RAP1B: variants seen among roughly 807,000 people sequenced by gnomAD.
RAP1B encodes the protein ras-related protein Rap-1b.
In RAP1B, 1 loss-of-function variant was observed where a neutral mutation model predicts 27.5. The observed-to-expected ratio is 0.04, with a 90% CI of 0.01 to 0.17. RAP1B has a LOEUF of 0.17. Among genes scored for constraint, RAP1B ranks in the 10% least tolerant of loss-of-function variants. RAP1B has a pLI of 1.00. For synonymous variants in RAP1B, 75 were observed against 73.1 expected (o/e 1.03, Z -0.13); for missense variants, 84 against 214.8 (o/e 0.39, Z 3.81).
At chr12:68,628,800 C>T (rs1189816534) in intron 1 of RAP1B, among the ~76,000 whole-genome samples, 2 of 152,142 alleles carry the variant, frequency 1.3e-5, no homozygotes, top group Non-Finnish European at 2.9e-5. Context: ...TTTACAGTTA[C>T]ACTAACCACA....
chr12:68,647,664 C>G (rs1332926699), intron 1 of RAP1B, among the ~76,000 whole-genome samples: 9 of 150,932 alleles, frequency 6.0e-5, no homozygotes, highest in Non-Finnish European at 1.2e-4. Context: ...GGCAAACTTT[C>G]AAAGACAGGA....
At chr12:68,653,816 A>G (rs1480949288) in intron 4 of RAP1B, among the ~76,000 whole-genome samples, 3 of 152,032 alleles carry the variant, frequency 2.0e-5, no homozygotes, top group Non-Finnish European at 4.4e-5. Context: ...CTGTTGTCCC[A>G]GCTACTCGGG....
intron 1 of RAP1B, among the ~76,000 whole-genome samples, chr12:68,616,093 A>G (rs1472055884): frequency 6.6e-6 from 1 of 150,884 alleles, no homozygotes; most frequent in Non-Finnish European, 1.5e-5. Flanking sequence ...CCTCCCGAGT[A>G]GCTGAGACTA....
At chr12:68,641,605 TC>T (rs1873008266) in intron 1 of RAP1B, among the ~76,000 whole-genome samples, 2 of 152,184 alleles carry the variant, frequency 1.3e-5, no homozygotes, top group African/African-American at 2.4e-5. Flanking sequence ...TCAGTTACTT[TC>T]ATCAATCAGG....
intron 1 of RAP1B, among the ~76,000 whole-genome samples, chr12:68,629,603 A>G (rs1243470206): frequency 1.3e-5 from 2 of 152,166 alleles, no homozygotes; most frequent in Non-Finnish European, 2.9e-5. Context: ...AATTTTATCT[A>G]TAAATCTTAA....
Position 68,662,676 on chromosome 12 carries a change from ATACTCT to A in RAP1B, c.*3432_*3437del, listed in dbSNP as rs1425968533. 1.3e-5 allele frequency: 2 copies of A among 152,194 alleles called. No individual in the cohort carries two copies. Among genetic ancestry groups the A allele is most frequent in the African/African-American group, 2.4e-5 (1 of 41,450 alleles). The allele number at this position is 152,194 out of a possible 1,614,324, so 9.4% of individuals were successfully genotyped here. The stretch of plus-strand genomic sequence containing the variant: ...AGGGAGTTATAGTGTTTTACAATTA[ATACTCT>A]TACTATTACCTTAGAAGCCTTAAAA... On this transcript the variant is annotated 3_prime_UTR_variant, in exon 8 of 8. Transcript: ENST00000250559.
chr12:68,611,826 A>G (rs1870618753), intron 1 of RAP1B, among the ~76,000 whole-genome samples: 1 of 152,164 alleles, frequency 6.6e-6, no homozygotes, highest in African/African-American at 2.4e-5. Context: ...CTTTTTCGCC[A>G]TCTCGAGGTG....
At chr12:68,638,487 T>G (rs943818555) in intron 1 of RAP1B, among the ~76,000 whole-genome samples, 1 of 152,184 alleles carries the variant, frequency 6.6e-6, no homozygotes, top group African/African-American at 2.4e-5. Context: ...AGTAAGGATG[T>G]TGTCTTACGT....
intron 1 of RAP1B, among the ~76,000 whole-genome samples, chr12:68,646,898 C>G (rs939884771): frequency 4.6e-5 from 7 of 152,140 alleles, no homozygotes; most frequent in African/African-American, 9.7e-5. Context: ...AAATCTCAAC[C>G]ATTGTAGATT....
intron 1 of RAP1B, chr12:68,641,079 A>G (rs886918050): frequency 1.3e-5 from 2 of 152,246 alleles, no homozygotes; most frequent in Non-Finnish European, 2.9e-5. Context: ...TGGCACAAAC[A>G]TGGGTCACTG....
At chr12:68,649,764 T>C (rs553441930) in intron 2 of RAP1B, 2 of 152,402 alleles carry the variant, frequency 1.3e-5, no homozygotes, top group South Asian at 4.1e-4. Context: ...TGCATGTATG[T>C]GTGTATACAT....
intron 1 of RAP1B, among the ~76,000 whole-genome samples, chr12:68,614,996 A>G (rs1870878933): frequency 6.6e-6 from 1 of 152,246 alleles, no homozygotes; most frequent in Non-Finnish European, 1.5e-5. Flanking sequence ...ACTGGATTCT[A>G]AAACAAGTCT....
intron 1 of RAP1B, among the ~76,000 whole-genome samples, chr12:68,637,468 G>A (rs535242020): frequency 1.3e-5 from 2 of 151,866 alleles, no homozygotes; most frequent in East Asian, 3.9e-4. Flanking sequence ...GTGGTGGCAC[G>A]CACCTGTAAT....
In RAP1B at chr12:68,669,934, T is replaced by TA. The variant is rs1491278311; in HGVS notation, c.*10685_*10686insA. 1 of 103,928 alleles carries TA rather than the reference T, an allele frequency of 9.6e-6. No individual in the cohort carries two copies. Among genetic ancestry groups the TA allele is most frequent in the Non-Finnish European group, 2.0e-5 (1 of 50,200 alleles). 6.4% of individuals were successfully genotyped at this position (103,928 alleles called of 1,614,324 possible). On this transcript the variant is annotated 3_prime_UTR_variant, in exon 8 of 8. Transcript: ENST00000250559. ...TGACAAAAATATATTTCTTTTTCTT[T>TA]CTTTTTTTTTTTTTTTTTTTTGAGA...
intron 1 of RAP1B, among the ~76,000 whole-genome samples, chr12:68,629,346 A>C (rs1872067434): frequency 6.6e-6 from 1 of 152,208 alleles, no homozygotes; most frequent in Non-Finnish European, 1.5e-5. Context: ...TAATATATGG[A>C]AGGACATGGT....
At chr12:68,656,786 T>G in intron 6 of RAP1B, 2 of 525,592 alleles carry the variant, frequency 3.8e-6, no homozygotes, top group Non-Finnish European at 6.6e-6. Context: ...CTTGAAAGGC[T>G]CCAAGTCATG....
rs1874788636 is a variant in RAP1B, at chr12:68,665,006, T to A, written c.*5757T>A. On this transcript the variant is annotated 3_prime_UTR_variant, in exon 8 of 8. Coordinates refer to ENST00000250559, the MANE Select transcript of RAP1B (RefSeq NM_001010942.3). ...AAACTATGTGGCTGGCAGAAAAAAA[T>A]AAGTGCGTGTGGTGGTGCTTGCCTG... The A allele has an allele frequency of 6.6e-6, 1 of 151,984 alleles. No homozygotes were observed. Among genetic ancestry groups the A allele is most frequent in the Admixed American group, 6.6e-5 (1 of 15,250 alleles). 9.4% of individuals were successfully genotyped at this position (151,984 alleles called of 1,614,324 possible).
At chr12:68,623,704 T>G (rs1871542693) in intron 1 of RAP1B, among the ~76,000 whole-genome samples, 2 of 152,202 alleles carry the variant, frequency 1.3e-5, no homozygotes, top group South Asian at 4.1e-4. Flanking sequence ...TTTCAGAGAT[T>G]TTAGGATTTC....
At chr12:68,657,062 G>A in intron 6 of RAP1B, 39 bp from the exon 7 acceptor site, 2 of 1,519,226 alleles carry the variant, frequency 1.3e-6, no homozygotes, top group Non-Finnish European at 1.8e-6. Flanking sequence ...GGGGATAGGT[G>A]TTCCTCCTGT....
Sources: gnomAD v4.1 joint callset for allele counts (sites outside exome capture counted in the v4.1 genomes callset) on GRCh38, gnomAD v4.1.1 for gene constraint, MANE v1.5 for transcripts, NCBI Gene and HGNC (gene_info 2026-07-23, HGNC 2026-07-21) for gene names.